Variants in SMYD3 observed in about 807,000 individuals in gnomAD.
SMYD3 encodes SET and MYND domain containing 3, also known as histone-lysine N-methyltransferase SMYD3.
A neutral mutation model predicts 57.7 loss-of-function variants in SMYD3; 36 were observed. That is an observed-to-expected ratio of 0.62 (90% CI 0.48 to 0.82). The LOEUF is 0.82. Among genes scored for constraint, SMYD3 ranks in the 40% least tolerant of loss-of-function variants. The probability of loss-of-function intolerance (pLI) is 0.00; values close to 1 mark genes in which losing one functional copy is unlikely to be tolerated. For missense variants in SMYD3, 515 were observed against 538.8 expected (o/e 0.96, Z 0.44); for synonymous variants, 211 against 195.0 (o/e 1.08, Z -0.68).
chr1:245,822,262 T>A (rs1436940395), intron 10 of SMYD3, among the ~76,000 whole-genome samples: 1 of 151,338 alleles, frequency 6.6e-6, no homozygotes, highest in East Asian at 2.0e-4. Context: ...ATGGATGAAA[T>A]TGGAAATCAT....
chr1:245,869,591 G>C (rs1438715050), intron 8 of SMYD3, among the ~76,000 whole-genome samples: 2 of 152,180 alleles, frequency 1.3e-5, no homozygotes, highest in Non-Finnish European at 2.9e-5. Flanking sequence ...ATGAAAGACA[G>C]AACTGTGCCG....
chr1:245,983,487 C>CAGAT (rs1309052345), intron 5 of SMYD3, among the ~76,000 whole-genome samples: 1 of 152,210 alleles, frequency 6.6e-6, no homozygotes. Context: ...GACCCACGAC[C>CAGAT]AGATGCCCAT....
In SMYD3 at chr1:246,269,609, C is replaced by T. The variant is rs146680103; in HGVS notation, c.531+57592G>A. On this transcript the variant is annotated intron_variant, in intron 5 of 11. Transcript: ENST00000490107. ...TTTGAGGCAGGCTCTTGTTCTGTTGCCCAGGCTACAGTGCAGTGGTGCAAT... is the reference window on the plus strand; with the variant it reads ...TTTGAGGCAGGCTCTTGTTCTGTTGTCCAGGCTACAGTGCAGTGGTGCAAT... Among the ~76,000 whole-genome samples, 763 of 145,670 alleles carry T rather than the reference C, an allele frequency of 5.2e-3. 4 individuals carry two copies. Among genetic ancestry groups the T allele is most frequent in the Middle Eastern group, 0.025 (7 of 278 alleles).
chr1:245,942,801 A>G (rs1021137818), intron 5 of SMYD3, among the ~76,000 whole-genome samples: 14 of 152,204 alleles, frequency 9.2e-5, no homozygotes, highest in Admixed American at 3.3e-4. Flanking sequence ...ACCACAGCAC[A>G]ATCAAATTAG....
intron 5 of SMYD3, among the ~76,000 whole-genome samples, chr1:246,032,077 C>T (rs2059687575): frequency 1.3e-5 from 2 of 152,010 alleles, no homozygotes; most frequent in African/African-American, 2.4e-5. Context: ...TCCTTTTTAT[C>T]AGAAAAAAAG....
chr1:246,116,245 CACAT>C (rs1461488436), intron 5 of SMYD3, among the ~76,000 whole-genome samples: 157 of 126,074 alleles, frequency 1.2e-3, no homozygotes, highest in African/African-American at 4.1e-3. Flanking sequence ...CACACACACA[CACAT>C]TCTGCTAAAT....
chr1:245,837,743 C>T (rs1008363071), intron 10 of SMYD3, among the ~76,000 whole-genome samples: 6 of 152,224 alleles, frequency 3.9e-5, no homozygotes, highest in South Asian at 2.1e-4. Flanking sequence ...AGTCCACCCC[C>T]GGGGAATTCA....
At chr1:245,848,091 CAGAGAT>C (rs1159532303) in intron 10 of SMYD3, among the ~76,000 whole-genome samples, 1 of 136,096 alleles carries the variant, frequency 7.3e-6, no homozygotes, top group African/African-American at 2.7e-5. Flanking sequence ...GCAAATGCAA[CAGAGAT>C]AAAGTCTTTT....
At chr1:246,205,687 GCGAGCGC>G (rs2062988670) in intron 5 of SMYD3, among the ~76,000 whole-genome samples, 1 of 152,108 alleles carries the variant, frequency 6.6e-6, no homozygotes. Flanking sequence ...GGGCATGGTG[GCGAGCGC>G]CTGTAGTCCC....
chr1:246,364,322 G>C (rs1056537300), intron 1 of SMYD3, among the ~76,000 whole-genome samples: 2 of 151,672 alleles, frequency 1.3e-5, no homozygotes, highest in Admixed American at 1.3e-4. Context: ...ATAGTTTCAA[G>C]GTGGTCAAGG....
chr1:246,405,376 T>C (rs2066844427), intron 1 of SMYD3, among the ~76,000 whole-genome samples: 1 of 152,204 alleles, frequency 6.6e-6, no homozygotes, highest in Admixed American at 6.5e-5. Flanking sequence ...TCTGCCTTTC[T>C]AGCTACTGGA....
At chr1:246,027,253 A>C (rs1432792231) in intron 5 of SMYD3, among the ~76,000 whole-genome samples, 1 of 152,206 alleles carries the variant, frequency 6.6e-6, no homozygotes, top group Non-Finnish European at 1.5e-5. Flanking sequence ...ACGTTGCAGC[A>C]AGTTATCAAG....
At position 246,457,488 on chromosome 1, in the gene SMYD3, G is replaced by A. The variant is rs1214593107; in HGVS notation, c.164+49566C>T. Among the ~76,000 whole-genome samples the A allele has an allele frequency of 2.9e-5, 4 of 138,716 alleles. 1 individual carries two copies. Among genetic ancestry groups the A allele is most frequent in the Middle Eastern group, 8.1e-3 (2 of 246 alleles). The allele number at this position is 138,716 out of a possible 152,430, so 91.0% of individuals were successfully genotyped here. A position where few individuals can be genotyped will look rare whatever the true frequency, so the allele number is the denominator to read the frequency against. ...GCGGAGGGTGCAGTGAGCTGAGATCGTGCCACTGCACTCCAGCCTGAGCAA... is the reference window on the plus strand; with the variant it reads ...GCGGAGGGTGCAGTGAGCTGAGATCATGCCACTGCACTCCAGCCTGAGCAA... On this transcript the variant is annotated intron_variant, in intron 1 of 11. Coordinates refer to ENST00000490107, the MANE Select transcript of SMYD3 (RefSeq NM_001167740.2).
At chr1:246,502,233 G>T (rs960109009) in intron 1 of SMYD3, among the ~76,000 whole-genome samples, 1 of 151,594 alleles carries the variant, frequency 6.6e-6, no homozygotes, top group African/African-American at 2.4e-5. Flanking sequence ...CCACCTCCTG[G>T]GCTCAATTGA....
intron 1 of SMYD3, among the ~76,000 whole-genome samples, chr1:246,492,386 A>G (rs2068285376): frequency 6.6e-6 from 1 of 152,216 alleles, no homozygotes; most frequent in South Asian, 2.1e-4. Flanking sequence ...AAGAACCGGT[A>G]TCTCAGAGAA....
chr1:246,283,089 G>C (rs2064488208), intron 5 of SMYD3, among the ~76,000 whole-genome samples: 1 of 152,126 alleles, frequency 6.6e-6, no homozygotes, highest in South Asian at 2.1e-4. Context: ...GCTCAACAAT[G>C]GCACCTTAAA....
At chr1:246,434,192 T>G (rs768276317) in intron 1 of SMYD3, among the ~76,000 whole-genome samples, 1 of 152,224 alleles carries the variant, frequency 6.6e-6, no homozygotes, top group African/African-American at 2.4e-5. Flanking sequence ...TCTAAAGGAT[T>G]GGTTTAGGAA....
intron 1 of SMYD3, among the ~76,000 whole-genome samples, chr1:246,495,280 C>T (rs896040937): frequency 9.9e-5 from 13 of 131,802 alleles, no homozygotes; most frequent in South Asian, 2.5e-4. Context: ...ACCCGGGAGG[C>T]GGAGCTTGCT....
At chr1:246,268,521 C>T (rs2064154911) in intron 5 of SMYD3, among the ~76,000 whole-genome samples, 1 of 140,450 alleles carries the variant, frequency 7.1e-6, no homozygotes, top group Admixed American at 7.2e-5. Flanking sequence ...AATATGGTGA[C>T]CCCGTCTCTA....
Sources: allele counts gnomAD v4.1 joint callset (sites outside exome capture counted in the v4.1 genomes callset), GRCh38; gene constraint gnomAD v4.1.1; transcripts MANE v1.5; gene names NCBI Gene and HGNC (gene_info 2026-07-23, HGNC 2026-07-21).